Variants in MALRD1 observed in about 807,000 individuals in gnomAD.
MALRD1 encodes MAM and LDL-receptor class A domain-containing protein 1.
A neutral mutation model predicts 242.1 loss-of-function variants in MALRD1; 247 were observed. The ratio of observed to expected loss-of-function variants is 1.02; its 90% CI spans 0.92 to 1.13. MALRD1 has a LOEUF of 1.13. Among genes scored for constraint, MALRD1 ranks in the 50% most tolerant of loss-of-function variants. The pLI, the probability that MALRD1 is intolerant of heterozygous loss-of-function variation, is 0.00. For synonymous variants in MALRD1, 995 were observed against 866.6 expected (o/e 1.15, Z -2.60); for missense variants, 2,989 against 2,533.1 (o/e 1.18, Z -3.86).
intron 36 of MALRD1, among the ~76,000 whole-genome samples, chr10:19,643,309 G>T (rs1470769094): frequency 6.6e-6 from 1 of 151,980 alleles, no homozygotes; most frequent in African/African-American, 2.4e-5. Context: ...AGGCGGACGT[G>T]GTGGCAGGTG....
chr10:19,531,311 G>A lies in MALRD1; in HGVS notation c.5438G>A (p.Trp1813Ter). The A allele has an allele frequency of 6.5e-7, 1 of 1,548,420 alleles. No homozygotes were observed. The highest frequency in any genetic ancestry group is 1.4e-5 in the African/African-American group (1 of 73,076). ...CTTGGAATGTGTACTGTTCGGTTCT[G>A]GTTCTACATGATTGATCCCAGGAGT... ...ASLGMCTVRF[W>*]FYMIDPRSMG... is the part of the protein sequence containing the mutation. The change falls in exon 32 of 40, where the codon TGG becomes TAG. Residue 1813 changes from tryptophan to a stop codon, truncating the protein, a stop_gained. Coordinates refer to ENST00000454679, the MANE Select transcript of MALRD1 (RefSeq NM_001142308.3). LOFTEE classifies it high-confidence loss of function.
At chr10:19,257,510 A>G (rs892896511) in intron 18 of MALRD1, among the ~76,000 whole-genome samples, 174 bp from the exon 19 acceptor site, 2 of 152,166 alleles carry the variant, frequency 1.3e-5, no homozygotes, top group Non-Finnish European at 2.9e-5. Flanking sequence ...TTCTGTTACT[A>G]GAAGTATTCA....
chr10:19,530,385 T>TTTATGTAA lies in MALRD1; in HGVS notation c.5321-809_5321-808insTTATGTAA, dbSNP rs1564417186. Among the ~76,000 whole-genome samples the TTTATGTAA allele has an allele frequency of 2.2e-3, 188 of 85,244 alleles. 4 individuals carry two copies. The Middle Eastern group carries it at 0.028, about 13-fold the overall frequency. 55.9% of individuals were successfully genotyped at this position (85,244 alleles called of 152,430 possible). ...TATATAAATATTTATATAAATATTATATATTTATATAAATATTATATATTT... is the reference window on the plus strand; with the variant it reads ...TATATAAATATTTATATAAATATTATTTATGTAAATATTTATATAAATATTATATATTT... On this transcript the variant is annotated intron_variant, in intron 31 of 39. Coordinates refer to ENST00000454679, the MANE Select transcript of MALRD1 (RefSeq NM_001142308.3).
rs1165501430 is a variant in MALRD1, at chr10:19,237,829, TTATAATTATA to T, written c.2992-19842_2992-19833del. Among the ~76,000 whole-genome samples, 2 of 76,238 alleles carry T rather than the reference TTATAATTATA, an allele frequency of 2.6e-5. 1 individual carries two copies. Among genetic ancestry groups the T allele is most frequent in the East Asian group, 6.5e-4 (2 of 3,070 alleles). The allele number at this position is 76,238 out of a possible 152,430, so 50.0% of individuals were successfully genotyped here. On this transcript the variant is annotated intron_variant, in intron 18 of 39. Transcript: ENST00000454679. ...TAATTATATAGAATTTTATATGTAATTATAATTATATATAATTATATAGTTATATATAATT... is the reference window on the plus strand; with the variant it reads ...TAATTATATAGAATTTTATATGTAATTATAATTATATAGTTATATATAATT...
intron 29 of MALRD1, among the ~76,000 whole-genome samples, chr10:19,455,809 A>G (rs1028058320): frequency 2.6e-5 from 4 of 152,208 alleles, no homozygotes; most frequent in African/African-American, 9.6e-5. Context: ...AATGCACTGC[A>G]CACATCTACG....
chr10:19,446,894 G>A (rs1835014117), intron 28 of MALRD1, among the ~76,000 whole-genome samples: 4 of 152,146 alleles, frequency 2.6e-5, no homozygotes, highest in Admixed American at 2.6e-4. Context: ...GCAAAATTAT[G>A]AGTTAGGAGT....
chr10:19,124,402 A>T (rs1210692337), intron 6 of MALRD1, 122 bp from the exon 7 acceptor site: 1 of 891,666 alleles, frequency 1.1e-6, no homozygotes, highest in Non-Finnish European at 1.5e-6. Context: ...TGCAGATATA[A>T]ATTAGTGTGT....
chr10:19,535,535 A>G (rs985167479), intron 32 of MALRD1, among the ~76,000 whole-genome samples: 1 of 150,358 alleles, frequency 6.7e-6, no homozygotes, highest in African/African-American at 2.4e-5. Flanking sequence ...ATATGTATAT[A>G]CATATACATA....
At chr10:19,251,501 G>T (rs755028464) in intron 18 of MALRD1, among the ~76,000 whole-genome samples, 1 of 151,854 alleles carries the variant, frequency 6.6e-6, no homozygotes, top group Admixed American at 6.6e-5. Flanking sequence ...ATATTGCCCT[G>T]TGGAAATGGA....
chr10:19,282,461 A>C (rs973741542), intron 20 of MALRD1, among the ~76,000 whole-genome samples: 2 of 152,324 alleles, frequency 1.3e-5, no homozygotes, highest in Admixed American at 1.3e-4. Flanking sequence ...ACATGAACAC[A>C]TTCGGAGAGA....
At chr10:19,557,798 T>C (rs1256278289) in intron 32 of MALRD1, among the ~76,000 whole-genome samples, 3 of 152,146 alleles carry the variant, frequency 2.0e-5, no homozygotes, top group South Asian at 2.1e-4. Flanking sequence ...AGCCTCTCAG[T>C]ATCCTCAAAA....
chr10:19,557,545 T>C (rs1204309093), intron 32 of MALRD1, among the ~76,000 whole-genome samples: 1 of 152,150 alleles, frequency 6.6e-6, no homozygotes, highest in Non-Finnish European at 1.5e-5. Context: ...CTTTCTGCAT[T>C]GGATTGCCTT....
intron 23 of MALRD1, among the ~76,000 whole-genome samples, chr10:19,329,031 G>A (rs1038308383): frequency 3.9e-5 from 6 of 152,072 alleles, no homozygotes; most frequent in African/African-American, 1.4e-4. Flanking sequence ...AATATTAAGG[G>A]GAATTTCAGC....
At chr10:19,475,992 C>T (rs1023842522) in intron 29 of MALRD1, among the ~76,000 whole-genome samples, 1 of 152,212 alleles carries the variant, frequency 6.6e-6, no homozygotes, top group African/African-American at 2.4e-5. Context: ...CGCTCCTCTC[C>T]TCACTTTTAC....
Position 19,615,941 on chromosome 10 carries a change from ATTT to A in MALRD1, c.6137+27_6137+29del, listed in dbSNP as rs10580913. 1.4e-5 allele frequency: 20 copies of A among 1,459,676 alleles called. No homozygotes were observed. Among genetic ancestry groups the A allele is most frequent in the Non-Finnish European group, 1.6e-5 (18 of 1,096,538 alleles). 90.4% of individuals were successfully genotyped at this position (1,459,676 alleles called of 1,614,324 possible). On this transcript the variant is annotated intron_variant, in intron 36 of 39. Transcript: ENST00000454679. ...ATGTGTCGGTAAGAAGCATTGTTTA[ATTT>A]TTTTTTTTAAGATTTTTTGGAGTTG...
chr10:19,686,489 C>A (rs576227085), intron 36 of MALRD1, among the ~76,000 whole-genome samples: 3 of 152,292 alleles, frequency 2.0e-5, no homozygotes, highest in South Asian at 4.1e-4. Flanking sequence ...TTAGTGTGCA[C>A]GTGTGAGCCC....
intron 36 of MALRD1, among the ~76,000 whole-genome samples, chr10:19,676,778 G>C (rs951110563): frequency 6.6e-6 from 1 of 152,062 alleles, no homozygotes; most frequent in Admixed American, 6.6e-5. Flanking sequence ...CATCACCTGC[G>C]TATTAAGCCT....
chr10:19,161,517 A>C (rs1834402949), intron 12 of MALRD1, among the ~76,000 whole-genome samples: 1 of 135,032 alleles, frequency 7.4e-6, no homozygotes. Flanking sequence ...AAAAATAAAT[A>C]AATAAATATA....
Position 19,546,337 on chromosome 10 carries a change from G to A in MALRD1, c.5478+14986G>A, listed in dbSNP as rs143423461. Among the ~76,000 whole-genome samples, 11 of 152,302 alleles carry A rather than the reference G, an allele frequency of 7.2e-5. No individual in the cohort carries two copies. In the East Asian group the frequency reaches 2.1e-3, roughly 29 times the overall value. On this transcript the variant is annotated intron_variant, in intron 32 of 39. Transcript: ENST00000454679. The stretch of plus-strand genomic sequence containing the variant: ...TGTTTATGTTTACGATGTATTGTTA[G>A]CTTGTTTATGTGTTGAAGGAGGTAC...
Sources: gnomAD v4.1 joint callset for allele counts (sites outside exome capture counted in the v4.1 genomes callset) on GRCh38, gnomAD v4.1.1 for gene constraint, MANE v1.5 for transcripts, NCBI Gene and HGNC (gene_info 2026-07-23, HGNC 2026-07-21) for gene names.